The following ARHGAP9 variants were observed in gnomAD, a reference collection of about 807,000 sequenced individuals.
ARHGAP9 encodes the protein rho GTPase-activating protein 9.
A neutral mutation model predicts 87.3 loss-of-function variants in ARHGAP9; 76 were observed. The observed-to-expected ratio is 0.87, with a 90% CI of 0.72 to 1.05. ARHGAP9 has a LOEUF of 1.05. Among genes scored for constraint, ARHGAP9 ranks in the 50% least tolerant of loss-of-function variants. The pLI is 0.00. For missense variants in ARHGAP9, 941 were observed against 960.5 expected, an observed-to-expected ratio of 0.98 and a Z score of 0.27; for synonymous variants, 382 against 394.9, an observed-to-expected ratio of 0.97 and a Z score of 0.39.
At chr12:57,480,238 A>G, upstream of ARHGAP9, 1 of 583,214 alleles carries the variant, frequency 1.7e-6, no homozygotes, top group Non-Finnish European at 2.2e-6. Flanking sequence ...CTGGAGTGTG[A>G]TGGCGAGATC....
In ARHGAP9 at chr12:57,476,865, A is replaced by G. The variant is rs512490; in HGVS notation, c.963+6T>C. On this transcript the variant is annotated splice_donor_region_variant and intron_variant, in intron 6 of 17. Transcript: ENST00000393791. The stretch of plus-strand genomic sequence containing the variant: ...CTTGGCCTTCACAAAGAAATGGGAG[A>G]TTCACATGGGGGTCGTCCAGGAGCT... 1,530,459 of 1,612,674 alleles carry G rather than the reference A, an allele frequency of 0.95. 729,624 individuals are homozygous for G. The highest frequency in any genetic ancestry group is 0.97 in the Non-Finnish European group (1,145,722 of 1,179,584).
chr12:57,474,208 A>G (rs1162716415), intron 15 of ARHGAP9, 32 bp from the exon 16 acceptor site: 4 of 1,598,904 alleles, frequency 2.5e-6, no homozygotes, highest in Non-Finnish European at 3.4e-6. Context: ...GGGGCTCATG[A>G]AGGGCCAGAA....
At chr12:57,476,224 C>T in intron 8 of ARHGAP9, 58 bp from the exon 9 acceptor site, 2 of 1,500,192 alleles carry the variant, frequency 1.3e-6, no homozygotes. Flanking sequence ...GCTTCCCTCT[C>T]CCCGGTGGGC....
Position 57,473,629 on chromosome 12 carries a change from T to C in ARHGAP9, c.1998A>G (p.Leu666=). ...GSMPKPNHDT[L]RYLLEHLCRV... is the part of the protein sequence containing the mutation. ...TGCATAAATGCTCCAGGAGGTACCG[T>C]AGAGTGTCATGGTTGGGCTTTGGCA... Residue 666 remains leucine (L), a synonymous_variant, in exon 17 of 18, where the codon CTA becomes CTG. Coordinates refer to ENST00000393791, the MANE Select transcript of ARHGAP9 (RefSeq NM_032496.4). The C allele has an allele frequency of 2.5e-6, 4 of 1,613,852 alleles. No homozygotes were observed. The highest frequency in any genetic ancestry group is 1.3e-5 in the African/African-American group (1 of 75,024).
Position 57,474,868 on chromosome 12 carries a change from A to C in ARHGAP9, c.1651+7T>G, listed in dbSNP as rs748323792. The stretch of plus-strand genomic sequence containing the variant: ...GAAGAGGATTCTGGGGTCTCTGAGA[A>C]AATGACCTCTTTTATCCACAGCAGC... On this transcript the variant is annotated splice_region_variant and intron_variant, in intron 13 of 17. Transcript: ENST00000393791. 6.2e-7 allele frequency: 1 copy of C among 1,614,170 alleles called. No individual in the cohort carries two copies. Among genetic ancestry groups the C allele is most frequent in the South Asian group, 1.1e-5 (1 of 91,090 alleles).
At chr12:57,478,058 C>G (rs1874425549) in intron 3 of ARHGAP9, 1 of 779,750 alleles carries the variant, frequency 1.3e-6, no homozygotes, top group Admixed American at 4.6e-5. Context: ...GGAAGAGGAG[C>G]CCCTTTCCAC....
intron 17 of ARHGAP9, 60 bp downstream of exon 17, chr12:57,473,543 C>T: frequency 1.3e-6 from 2 of 1,486,610 alleles, no homozygotes; most frequent in Non-Finnish European, 1.9e-6. Context: ...CACAGAGTCC[C>T]TGTGGCATTC....
chr12:57,473,614 C>T lies in ARHGAP9; in HGVS notation c.2013G>A (p.Glu671=), dbSNP rs1412421109. 3 of 1,613,280 alleles carry T rather than the reference C, an allele frequency of 1.9e-6. No individual in the cohort carries two copies. The highest frequency in any genetic ancestry group is 2.7e-5 in the African/African-American group (2 of 74,864). The part of the protein sequence containing the change: ...PNHDTLRYLL[E]HLCRVIAHSD... ...TCTGTCTTCCTGACCTGCATAAATG[C>T]TCCAGGAGGTACCGTAGAGTGTCAT... Residue 671 remains glutamate, a synonymous_variant, in exon 17 of 18, where the codon GAG becomes GAA. Transcript: ENST00000393791.
intron 8 of ARHGAP9, 73 bp downstream of exon 8, chr12:57,476,291 G>C: frequency 6.4e-7 from 1 of 1,562,134 alleles, no homozygotes; most frequent in South Asian, 1.1e-5. Flanking sequence ...CGCCCTCCCC[G>C]CTGCCGCCCC....
rs534874949 is a variant in ARHGAP9, at chr12:57,474,079, C to T, written c.1881G>A (p.Val627=). 1.2e-6 allele frequency: 2 copies of T among 1,614,118 alleles called. No individual in the cohort carries two copies. The highest frequency in any genetic ancestry group is 2.2e-5 in the East Asian group (1 of 44,890). Residue 627 remains valine, a synonymous_variant, in exon 16 of 18, where the codon GTG becomes GTA. Transcript: ENST00000393791. The stretch of plus-strand genomic sequence containing the variant: ...GGAAATGGGGCAGCAGCAGTGGTGG[C>T]ACCAGAGGCTGGGGCAGCTCCCGGA... ...LFLRELPQPL[V]PPLLLPHFRA...
Position 57,472,564 on chromosome 12 carries a change from G to T in ARHGAP9, c.2149C>A (p.Gln717Lys). The T allele has an allele frequency of 6.2e-7, 1 of 1,614,218 alleles. No individual in the cohort carries two copies. The highest frequency in any genetic ancestry group is 8.5e-7 in the Non-Finnish European group (1 of 1,180,040). ...TTGGTGAGCATCAGCTGGACCAGCTGCCCTGGGTAGAGAGCATGGGCTGCT... is the reference window on the plus strand; with the variant it reads ...TTGGTGAGCATCAGCTGGACCAGCTTCCCTGGGTAGAGAGCATGGGCTGCT... ...DPAAHALYPGQLVQLMLTNFT... is the reference protein window; with the variant it reads ...DPAAHALYPGKLVQLMLTNFT... The change falls in exon 18 of 18, where the codon CAG becomes AAG. Residue 717 changes from glutamine to lysine, a missense_variant. Gln to Lys is a moderately conservative substitution (Grantham distance 53). Transcript: ENST00000393791.
At chr12:57,479,992 C>A, upstream of ARHGAP9, 1 of 1,368,438 alleles carries the variant, frequency 7.3e-7, no homozygotes, top group Non-Finnish European at 9.4e-7. Flanking sequence ...GACAGAGAAA[C>A]AGAAAGCCAA....
chr12:57,473,709 C>T lies in ARHGAP9; in HGVS notation c.1919-1G>A. The stretch of plus-strand genomic sequence containing the variant: ...AGGCACTGCTCTGATTCGGAGAGTG[C>T]TAGAGAGAGTGATGGGAAAGGCATG... On this transcript the variant is annotated splice_acceptor_variant, in intron 16 of 17. Coordinates refer to ENST00000393791, the MANE Select transcript of ARHGAP9 (RefSeq NM_032496.4). LOFTEE classifies it high-confidence loss of function. 6.2e-7 allele frequency: 1 copy of T among 1,613,314 alleles called. No individual in the cohort carries two copies. Among genetic ancestry groups the T allele is most frequent in the Non-Finnish European group, 8.5e-7 (1 of 1,179,338 alleles).
At chr12:57,486,677 G>A (rs1304159794) in intron 1 of ARHGAP9, among the ~76,000 whole-genome samples, 1 of 148,830 alleles carries the variant, frequency 6.7e-6, no homozygotes, top group East Asian at 2.1e-4. Flanking sequence ...CGAGGTCGGG[G>A]GATCGAGACC....
At position 57,477,221 on chromosome 12, in the gene ARHGAP9, C is replaced by T. The variant is rs1290488692; in HGVS notation, c.805G>A (p.Val269Ile). Residue 269 changes from valine to isoleucine, a missense_variant, in exon 5 of 18, where the codon GTC becomes ATC. Val to Ile is a conservative substitution (Grantham distance 29). Transcript: ENST00000393791. ...GTQTLKRNND[V>I]LQPQAKGFRS... ...AAGCCCTTTGCCTGAGGTTGCAGGA[C>T]ATCATTGTTCCTCTTCAGGGTCTGT... 5.0e-6 allele frequency: 8 copies of T among 1,601,948 alleles called. 1 individual carries two copies. In the South Asian group the frequency reaches 7.9e-5, roughly 16 times the overall value.
upstream of ARHGAP9, chr12:57,480,771 GC>G: frequency 6.5e-7 from 1 of 1,550,102 alleles, no homozygotes; most frequent in Non-Finnish European, 8.7e-7. Context: ...TTCTGCTTCT[GC>G]CTTACCTGGC....
chr12:57,476,661 G>A lies in ARHGAP9; in HGVS notation c.964-10C>T. 1 of 1,586,124 alleles carries A rather than the reference G, an allele frequency of 6.3e-7. No homozygotes were observed. Among genetic ancestry groups the A allele is most frequent in the Non-Finnish European group, 8.6e-7 (1 of 1,161,624 alleles). On this transcript the variant is annotated splice_polypyrimidine_tract_variant and intron_variant, in intron 6 of 17. Coordinates refer to ENST00000393791, the MANE Select transcript of ARHGAP9 (RefSeq NM_032496.4). ...CCGACTTTTCCACCTCCTGGGAAGT[G>A]GAGGGAATGGGATCTGTAAGTCACC...
Position 57,476,460 on chromosome 12 carries a change from G to C in ARHGAP9, c.1026-6C>G, listed in dbSNP as rs1325519987. 3.1e-5 allele frequency: 50 copies of C among 1,614,020 alleles called. No homozygotes were observed. Among genetic ancestry groups the C allele is most frequent in the Non-Finnish European group, 4.2e-5 (50 of 1,180,006 alleles). The stretch of plus-strand genomic sequence containing the variant: ...AAGACGGGCCCCAGTTCTTCCTGCG[G>C]GGACAGAGAGGGGAGGTAGTGGTAG... On this transcript the variant is annotated splice_polypyrimidine_tract_variant and splice_region_variant and intron_variant, in intron 7 of 17. Coordinates refer to ENST00000393791, the MANE Select transcript of ARHGAP9 (RefSeq NM_032496.4).
At chr12:57,486,663 A>G (rs532373256) in intron 1 of ARHGAP9, among the ~76,000 whole-genome samples, 1 of 145,178 alleles carries the variant, frequency 6.9e-6, no homozygotes, top group Non-Finnish European at 1.5e-5. Context: ...AGGCGGGCGG[A>G]TCACGAGGTC....
Sources: gnomAD v4.1 joint callset for allele counts (sites outside exome capture counted in the v4.1 genomes callset) on GRCh38, gnomAD v4.1.1 for gene constraint, MANE v1.5 for transcripts, NCBI Gene and HGNC (gene_info 2026-07-23, HGNC 2026-07-21) for gene names.